SQOR: variants seen among roughly 807,000 people sequenced by gnomAD.
The protein encoded by SQOR is sulfide:quinone oxidoreductase, mitochondrial.
In SQOR, 39 loss-of-function variants were observed where a neutral mutation model predicts 48.6. The ratio of observed to expected loss-of-function variants is 0.80; its 90% CI spans 0.62 to 1.05. SQOR has a LOEUF of 1.05. Among genes scored for constraint, SQOR ranks in the 50% least tolerant of loss-of-function variants. SQOR has a pLI of 0.00. For missense variants in SQOR, 561 were observed against 559.9 expected (o/e 1.00, Z -0.02); for synonymous variants, 220 against 206.2 (o/e 1.07, Z -0.57).
At chr15:45,655,968 A>C (rs939273989) in intron 1 of SQOR, among the ~76,000 whole-genome samples, 2 of 150,332 alleles carry the variant, frequency 1.3e-5, no homozygotes, top group Non-Finnish European at 1.5e-5. Context: ...TACAGGCGTG[A>C]GCCACCGTGC....
At chr15:45,673,463 C>T (rs1208398731) in intron 4 of SQOR, 144 bp from the exon 5 acceptor site, 6 of 877,734 alleles carry the variant, frequency 6.8e-6, no homozygotes, top group Admixed American at 2.6e-5. Flanking sequence ...AGAACCCTCA[C>T]CCACCTGCCT....
intron 2 of SQOR, among the ~76,000 whole-genome samples, chr15:45,659,854 T>G (rs1405362455): frequency 6.6e-6 from 1 of 152,198 alleles, no homozygotes. Context: ...AGAGATACAA[T>G]TCAACCCATG....
At chr15:45,678,982 A>G (rs1890081082) in intron 6 of SQOR, among the ~76,000 whole-genome samples, 1 of 152,220 alleles carries the variant, frequency 6.6e-6, no homozygotes, top group African/African-American at 2.4e-5. Context: ...TATGAGTAAG[A>G]GCCCGAAGCA....
At chr15:45,662,874 A>G (rs1263943638) in intron 3 of SQOR, among the ~76,000 whole-genome samples, 1 of 152,174 alleles carries the variant, frequency 6.6e-6, no homozygotes, top group African/African-American at 2.4e-5. Flanking sequence ...TTTTGGACTC[A>G]CAAGGTGTTA....
intron 3 of SQOR, among the ~76,000 whole-genome samples, chr15:45,668,195 C>G (rs546765958): frequency 1.3e-5 from 2 of 152,242 alleles, no homozygotes; most frequent in South Asian, 2.1e-4. Context: ...CCACCCGCCT[C>G]AGCCTCCCAA....
rs1004967393 is a variant in SQOR at position 45,662,140 on chromosome 15, C to T, written c.405+15C>T. Reference sequence around the variant, plus strand: ...ACGACGAGAAGGTAACCACTGAGGCCTTTAGATTTTTTGTTAATCTGACAG... The same window carrying T: ...ACGACGAGAAGGTAACCACTGAGGCTTTTAGATTTTTTGTTAATCTGACAG... On this transcript the variant is annotated intron_variant, in intron 3 of 9. Transcript: ENST00000260324. 8.1e-6 allele frequency: 13 copies of T among 1,608,822 alleles called. No homozygotes were observed. The highest frequency in any genetic ancestry group is 6.7e-5 in the East Asian group (3 of 44,730).
At chr15:45,653,137 A>G (rs1388378791) in intron 1 of SQOR, among the ~76,000 whole-genome samples, 3 of 152,186 alleles carry the variant, frequency 2.0e-5, no homozygotes, top group African/African-American at 7.2e-5. Context: ...ATACCAATCA[A>G]TACCAACTAG....
rs1889665917 is a variant in SQOR at position 45,658,918 on chromosome 15, C to T, written c.-6C>T. 6.5e-7 allele frequency: 1 copy of T among 1,546,218 alleles called. No homozygotes were observed. On this transcript the variant is annotated 5_prime_UTR_variant, in exon 2 of 10. Coordinates refer to ENST00000260324, the MANE Select transcript of SQOR (RefSeq NM_021199.4). ...CTCTTCCCTTCCAGCCTGATCCTGCCTGAAGATGGTGCCACTGGTGGCTGT... is the reference window on the plus strand; with the variant it reads ...CTCTTCCCTTCCAGCCTGATCCTGCTTGAAGATGGTGCCACTGGTGGCTGT...
rs202169669 is a variant in SQOR, at chr15:45,684,613, T to TC, written c.1048+1952_1048+1953insC. On this transcript the variant is annotated intron_variant, in intron 7 of 9. Transcript: ENST00000260324. ...GGTGTTCTCTCTCTCTCTCTCTCTC[T>TC]TTTTTTTTCATTGTAAAAGTACTCT... 5.5e-4 allele frequency among the ~76,000 whole-genome samples: 83 copies of TC among 149,976 alleles called. 2 individuals carry two copies. The East Asian group carries it at 8.1e-3, about 15-fold the overall frequency.
chr15:45,688,036 T>C (rs1890252990), intron 7 of SQOR, among the ~76,000 whole-genome samples: 1 of 152,158 alleles, frequency 6.6e-6, no homozygotes, highest in South Asian at 2.1e-4. Context: ...ACAGACTAAG[T>C]TGACAGCCTC....
intron 8 of SQOR, among the ~76,000 whole-genome samples, chr15:45,688,759 C>T (rs1444639668): frequency 4.6e-5 from 7 of 152,100 alleles, no homozygotes; most frequent in African/African-American, 7.2e-5. Context: ...ATGATCCACC[C>T]GCCTTGGCCT....
intron 1 of SQOR, among the ~76,000 whole-genome samples, chr15:45,639,399 G>C (rs1030406193): frequency 6.6e-6 from 1 of 152,214 alleles, no homozygotes; most frequent in Non-Finnish European, 1.5e-5. Context: ...AAATACCATG[G>C]GGTGACTCCC....
At chr15:45,639,010 T>C (rs981910023) in intron 1 of SQOR, among the ~76,000 whole-genome samples, 18 of 152,186 alleles carry the variant, frequency 1.2e-4, no homozygotes, top group African/African-American at 4.3e-4. Context: ...TAGTCTATAG[T>C]GTTTTGTTAT....
At chr15:45,680,401 AATTTCTTTTT>A (rs1748842502) in intron 6 of SQOR, among the ~76,000 whole-genome samples, 2 of 133,594 alleles carry the variant, frequency 1.5e-5, no homozygotes, top group Non-Finnish European at 3.2e-5. Context: ...GCCCAATGTT[AATTTCTTTTT>A]ATTTCTTTTT....
At chr15:45,640,556 C>A (rs576419149) in intron 1 of SQOR, among the ~76,000 whole-genome samples, 1 of 152,270 alleles carries the variant, frequency 6.6e-6, no homozygotes, top group South Asian at 2.1e-4. Context: ...TAGAGTCTCT[C>A]CAACTATGTC....
intron 6 of SQOR, among the ~76,000 whole-genome samples, chr15:45,681,246 T>C (rs945760523): frequency 6.6e-6 from 1 of 152,174 alleles, no homozygotes; most frequent in African/African-American, 2.4e-5. Flanking sequence ...AGGAGATTAA[T>C]AATTTAGTAG....
chr15:45,649,709 C>T (rs1239442136), intron 1 of SQOR, among the ~76,000 whole-genome samples: 1 of 151,728 alleles, frequency 6.6e-6, no homozygotes, highest in African/African-American at 2.4e-5. Context: ...TCTCAAACTC[C>T]TGGCCTGAGG....
At chr15:45,671,818 G>A (rs531735209) in intron 4 of SQOR, among the ~76,000 whole-genome samples, 20 of 152,074 alleles carry the variant, frequency 1.3e-4, no homozygotes, top group Non-Finnish European at 2.6e-4. Context: ...CCTGCCTGCC[G>A]GTCTACTCTG....
At position 45,669,932 on chromosome 15, in the gene SQOR, C is replaced by T. The variant is rs767842225; in HGVS notation, c.410C>T (p.Ser137Phe). 1.2e-6 allele frequency: 2 copies of T among 1,613,962 alleles called. No individual in the cohort carries two copies. The highest frequency in any genetic ancestry group is 2.2e-5 in the South Asian group (2 of 91,078). The change falls in exon 4 of 10, where the codon TCC becomes TTC. Residue 137 changes from serine to phenylalanine, a missense_variant. Physicochemically the swap from Ser to Phe is radical, Grantham distance 155. Coordinates refer to ENST00000260324, the MANE Select transcript of SQOR (RefSeq NM_021199.4). ...TAATGTCTTTTTGTGTTGCAGATCTCCTACCGATATCTTATTATTGCTCTC... is the reference window on the plus strand; with the variant it reads ...TAATGTCTTTTTGTGTTGCAGATCTTCTACCGATATCTTATTATTGCTCTC... ...CIHTDDDEKISYRYLIIALGI... is the reference protein window; with the variant it reads ...CIHTDDDEKIFYRYLIIALGI...
Sources: allele counts gnomAD v4.1 joint callset (sites outside exome capture counted in the v4.1 genomes callset), GRCh38; gene constraint gnomAD v4.1.1; transcripts MANE v1.5; gene names NCBI Gene and HGNC (gene_info 2026-07-23, HGNC 2026-07-21).